TMEM150C: variants seen among roughly 807,000 people sequenced by gnomAD.
The protein encoded by TMEM150C is tentonin 3.
TMEM150C carries 10 observed loss-of-function variants against 29.9 expected under a neutral mutation model. The ratio of observed to expected loss-of-function variants is 0.33; its 90% CI spans 0.21 to 0.57. The LOEUF (loss-of-function observed/expected upper bound fraction) is 0.57. TMEM150C is among the 20% of genes least tolerant of loss of function. TMEM150C has a pLI of 0.88. For synonymous variants in TMEM150C, 101 were observed against 112.5 expected, an observed-to-expected ratio of 0.90 and a Z score of 0.64; for missense variants, 251 against 303.6, an observed-to-expected ratio of 0.83 and a Z score of 1.29.
At chr4:82,486,140 C>CT (rs1723151138) in intron 7 of TMEM150C, among the ~76,000 whole-genome samples, 1 of 152,016 alleles carries the variant, frequency 6.6e-6, no homozygotes, top group South Asian at 2.1e-4. Context: ...AACAAGCACT[C>CT]TAACTCCTGC....
At chr4:82,549,413 A>C (rs1725495910) in intron 1 of TMEM150C, among the ~76,000 whole-genome samples, 2 of 152,194 alleles carry the variant, frequency 1.3e-5, no homozygotes, top group Admixed American at 1.3e-4. Context: ...GTATCTAGAG[A>C]AATTAAATTC....
intron 1 of TMEM150C, among the ~76,000 whole-genome samples, chr4:82,548,655 T>C (rs1335169280): frequency 6.6e-6 from 1 of 152,106 alleles, no homozygotes; most frequent in African/African-American, 2.4e-5. Flanking sequence ...CATAGATAAT[T>C]AATTAGGAAA....
intron 1 of TMEM150C, among the ~76,000 whole-genome samples, chr4:82,532,848 C>T (rs1035692820): frequency 1.3e-5 from 2 of 151,994 alleles, no homozygotes; most frequent in African/African-American, 4.8e-5. Context: ...CCTGTCTCAG[C>T]CTCCCGAGTA....
chr4:82,499,448 G>A (rs4282165), intron 5 of TMEM150C, among the ~76,000 whole-genome samples: 11 of 152,008 alleles, frequency 7.2e-5, no homozygotes, highest in South Asian at 2.1e-4. Flanking sequence ...GAGGCCGGGC[G>A]CGGTGGCTCA....
chr4:82,548,326 A>T (rs1725453040), intron 1 of TMEM150C, among the ~76,000 whole-genome samples: 2 of 152,218 alleles, frequency 1.3e-5, no homozygotes, highest in African/African-American at 4.8e-5. Flanking sequence ...CCTCCTAAAC[A>T]GCTGAAATTA....
At chr4:82,555,350 A>C (rs2110094582) in intron 1 of TMEM150C, among the ~76,000 whole-genome samples, 1 of 152,354 alleles carries the variant, frequency 6.6e-6, no homozygotes, top group Admixed American at 6.5e-5. Context: ...TCTGCTAAAA[A>C]CAAATGTGTG....
chr4:82,502,161 G>A (rs1723757244), intron 5 of TMEM150C, among the ~76,000 whole-genome samples: 1 of 152,142 alleles, frequency 6.6e-6, no homozygotes, highest in Non-Finnish European at 1.5e-5. Flanking sequence ...GGAGGGTCTT[G>A]GGCCCCAAAG....
At chr4:82,511,277 A>G (rs1026947334) in intron 1 of TMEM150C, among the ~76,000 whole-genome samples, 1 of 152,200 alleles carries the variant, frequency 6.6e-6, no homozygotes, top group African/African-American at 2.4e-5. Flanking sequence ...TCTATTAAAC[A>G]TTACCATTCC....
intron 1 of TMEM150C, among the ~76,000 whole-genome samples, chr4:82,530,045 A>G (rs1189258477): frequency 1.3e-5 from 2 of 151,768 alleles, no homozygotes; most frequent in East Asian, 3.9e-4. Context: ...GAGACACAGG[A>G]AAGTGAAAGG....
intron 1 of TMEM150C, among the ~76,000 whole-genome samples, chr4:82,521,515 T>G (rs917139037): frequency 1.3e-5 from 2 of 152,212 alleles, no homozygotes; most frequent in African/African-American, 4.8e-5. Context: ...ACATAGAAGA[T>G]GAATTCTTAC....
At chr4:82,550,489 T>C (rs147475364) in intron 1 of TMEM150C, among the ~76,000 whole-genome samples, 4 of 151,768 alleles carry the variant, frequency 2.6e-5, no homozygotes, top group Non-Finnish European at 5.9e-5. Flanking sequence ...AAAAATAGAT[T>C]GAGGAGTAGG....
chr4:82,502,838 A>G, intron 4 of TMEM150C, 44 bp from the exon 5 acceptor site: 1 of 1,588,952 alleles, frequency 6.3e-7, no homozygotes, highest in South Asian at 1.1e-5. Flanking sequence ...ATCAAAATCT[A>G]TAATCCTCCT....
intron 5 of TMEM150C, among the ~76,000 whole-genome samples, chr4:82,499,742 A>AAAAAAAAAAC (rs1723673059): frequency 6.6e-6 from 1 of 151,514 alleles, no homozygotes; most frequent in East Asian, 1.9e-4. Context: ...AAAAAAAAAA[A>AAAAAAAAAAC]AAGCACAAAT....
At chr4:82,555,154 C>T (rs1004993085) in intron 1 of TMEM150C, among the ~76,000 whole-genome samples, 1 of 152,202 alleles carries the variant, frequency 6.6e-6, no homozygotes, top group Admixed American at 6.5e-5. Flanking sequence ...TTTCCAGCCT[C>T]ACTTTCAAGA....
At chr4:82,557,136 T>C (rs1207595893) in intron 1 of TMEM150C, among the ~76,000 whole-genome samples, 1 of 152,148 alleles carries the variant, frequency 6.6e-6, no homozygotes, top group Non-Finnish European at 1.5e-5. Context: ...ATCAAAATAA[T>C]GGGTTTAATC....
At chr4:82,531,464 G>T (rs1037307291) in intron 1 of TMEM150C, among the ~76,000 whole-genome samples, 39 of 152,120 alleles carry the variant, frequency 2.6e-4, no homozygotes, top group African/African-American at 8.7e-4. Context: ...CTGAAAAAGT[G>T]GTCATAGAAG....
intron 2 of TMEM150C, among the ~76,000 whole-genome samples, chr4:82,503,616 C>T (rs926707167): frequency 9.2e-5 from 14 of 151,926 alleles, no homozygotes; most frequent in African/African-American, 2.4e-4. Flanking sequence ...TTTGGGAGGC[C>T]GAGGCGGGCA....
In TMEM150C at chr4:82,510,825, C is replaced by T. The variant is rs376711188; in HGVS notation, c.-10-6158G>A. On this transcript the variant is annotated intron_variant, in intron 1 of 7. Transcript: ENST00000449862. ...GTCGCCCACTCATGACCACGACTGT[C>T]ACAGTGCCCATGAACCAAGAGCATC... 6.6e-5 allele frequency among the ~76,000 whole-genome samples: 10 copies of T among 152,310 alleles called. 1 individual carries two copies. Among genetic ancestry groups the T allele is most frequent in the Admixed American group, 3.3e-4 (5 of 15,300 alleles).
chr4:82,504,584 C>T lies in TMEM150C; in HGVS notation c.74G>A (p.Trp25Ter), dbSNP rs1723843288. 6.2e-7 allele frequency: 1 copy of T among 1,612,034 alleles called. No homozygotes were observed. The highest frequency in any genetic ancestry group is 8.5e-7 in the Non-Finnish European group (1 of 1,178,496). The change falls in exon 2 of 8, where the codon TGG becomes TAG. Residue 25 changes from tryptophan (W) to a stop codon, truncating the protein, a stop_gained. Transcript: ENST00000449862. LOFTEE classifies it high-confidence loss of function. ...VFTLFTSAGL[W>*]IVYFIAVEDD... ...TAAATGAGCAAATACTCACACTATC[C>T]ACAATCCAGCTGAAGTAAACAAAGT...
Sources: gnomAD v4.1 joint callset for allele counts (sites outside exome capture counted in the v4.1 genomes callset) on GRCh38, gnomAD v4.1.1 for gene constraint, MANE v1.5 for transcripts, NCBI Gene and HGNC (gene_info 2026-07-23, HGNC 2026-07-21) for gene names.